The following DENND5B variants were observed in gnomAD, a reference collection of about 807,000 sequenced individuals.
DENND5B encodes the protein DENN domain-containing protein 5B.
A neutral mutation model predicts 140.6 loss-of-function variants in DENND5B; 34 were observed. The ratio of observed to expected loss-of-function variants is 0.24; its 90% CI spans 0.18 to 0.32. The LOEUF (loss-of-function observed/expected upper bound fraction) is 0.32. Ranked by LOEUF, DENND5B falls within the 10% of genes least tolerant of loss-of-function variation. DENND5B has a pLI of 1.00. For missense variants in DENND5B, 1,142 were observed against 1,560.2 expected (o/e 0.73, Z 4.52); for synonymous variants, 551 against 562.1 (o/e 0.98, Z 0.28).
intron 1 of DENND5B, among the ~76,000 whole-genome samples, chr12:31,509,595 AT>A (rs1259098052): frequency 6.6e-6 from 1 of 152,236 alleles, no homozygotes; most frequent in Non-Finnish European, 1.5e-5. Flanking sequence ...AAGTGGCTAA[AT>A]TTTGAGATAG....
chr12:31,491,760 T>C (rs140885947), intron 2 of DENND5B, among the ~76,000 whole-genome samples: 162 of 152,356 alleles, frequency 1.1e-3, no homozygotes, highest in South Asian at 5.2e-3. Context: ...CTGTCACTTG[T>C]ATTTATTTTC....
chr12:31,449,643 AAAGATT>A (rs1383756872), intron 5 of DENND5B, among the ~76,000 whole-genome samples: 2 of 152,138 alleles, frequency 1.3e-5, no homozygotes, highest in Non-Finnish European at 2.9e-5. Context: ...GAGGCTACAT[AAAGATT>A]AAGAAGGAAG....
intron 1 of DENND5B, among the ~76,000 whole-genome samples, chr12:31,501,708 G>A (rs890659916): frequency 2.7e-5 from 4 of 150,768 alleles, no homozygotes; most frequent in Non-Finnish European, 4.4e-5. Flanking sequence ...GGGAGGTGGA[G>A]GCTGCAGTGA....
At chr12:31,478,734 T>A (rs1421367095) in intron 3 of DENND5B, among the ~76,000 whole-genome samples, 1 of 152,036 alleles carries the variant, frequency 6.6e-6, no homozygotes, top group East Asian at 1.9e-4. Flanking sequence ...TTGTGTAACC[T>A]TTTTTGAAGA....
intron 1 of DENND5B, among the ~76,000 whole-genome samples, chr12:31,508,402 A>C (rs1410745178): frequency 1.1e-4 from 17 of 152,240 alleles, no homozygotes; most frequent in Admixed American, 3.3e-4. Context: ...TAAAAGAAAG[A>C]TATAAATTAC....
At chr12:31,532,696 G>A (rs913395623) in intron 1 of DENND5B, among the ~76,000 whole-genome samples, 3 of 152,104 alleles carry the variant, frequency 2.0e-5, no homozygotes, top group Admixed American at 1.3e-4. Flanking sequence ...TAGATATGGG[G>A]GAATTGGGAA....
At chr12:31,576,857 C>T (rs530142438) in intron 1 of DENND5B, among the ~76,000 whole-genome samples, 11 of 151,514 alleles carry the variant, frequency 7.3e-5, no homozygotes, top group African/African-American at 2.7e-4. Context: ...TATGATCACA[C>T]CACTGCACTC....
At chr12:31,564,001 C>T (rs1248419455) in intron 1 of DENND5B, among the ~76,000 whole-genome samples, 2 of 152,092 alleles carry the variant, frequency 1.3e-5, no homozygotes, top group African/African-American at 4.8e-5. Flanking sequence ...CCTGTAATCC[C>T]AGCTACTAGG....
At chr12:31,401,907 G>A (rs117274977) in intron 15 of DENND5B, among the ~76,000 whole-genome samples, 3,107 of 152,186 alleles carry the variant, frequency 0.02, 55 homozygotes, top group South Asian at 0.054. Context: ...TTATAGGCAT[G>A]AGTCACTGCG....
chr12:31,402,220 GAATCT>G (rs1466613199), intron 15 of DENND5B, among the ~76,000 whole-genome samples: 3 of 151,278 alleles, frequency 2.0e-5, no homozygotes, highest in African/African-American at 7.3e-5. Flanking sequence ...CTGCTTGCTA[GAATCT>G]GTGCTAGACC....
chr12:31,403,897 CAAAAAAAAA>C (rs751708684), intron 14 of DENND5B, among the ~76,000 whole-genome samples: 1 of 36,372 alleles, frequency 2.7e-5, no homozygotes, highest in Non-Finnish European at 4.7e-5. Flanking sequence ...ACTCCATCTC[CAAAAAAAAA>C]AAAAAAAAAA....
chr12:31,414,475 C>T (rs118100845), intron 12 of DENND5B, among the ~76,000 whole-genome samples: 2 of 152,168 alleles, frequency 1.3e-5, no homozygotes, highest in Non-Finnish European at 2.9e-5. Flanking sequence ...GTACCTTCTT[C>T]GGTGGGCAGA....
intron 1 of DENND5B, among the ~76,000 whole-genome samples, chr12:31,523,049 CT>C (rs565569231): frequency 1.7e-4 from 25 of 146,110 alleles, no homozygotes; most frequent in East Asian, 1.0e-3. Context: ...ATAAATGTGC[CT>C]TTTTTTTTCC....
chr12:31,426,601 C>T (rs2137748336), intron 8 of DENND5B, 177 bp from the exon 9 acceptor site: 1 of 606,228 alleles, frequency 1.6e-6, no homozygotes, highest in Middle Eastern at 4.8e-4. Context: ...CATATGCCAC[C>T]CCATAACAAC....
intron 6 of DENND5B, among the ~76,000 whole-genome samples, chr12:31,447,282 A>G (rs550197691): frequency 1.3e-5 from 2 of 152,254 alleles, no homozygotes; most frequent in Admixed American, 1.3e-4. Context: ...AAACAAAAAC[A>G]AAAACAAAAA....
In DENND5B at chr12:31,452,358, C is replaced by G. The variant is rs1217687306; in HGVS notation, c.1211G>C (p.Gly404Ala). ...ATGTAGGCTGCCCTCAGGAGGGATCCCAAATTGAACAAGAACCTCAGAGAG... is the reference window on the plus strand; with the variant it reads ...ATGTAGGCTGCCCTCAGGAGGGATCGCAAATTGAACAAGAACCTCAGAGAG... ...QELSEVLVQF[G>A]IPPEGSLHCS... Residue 404 changes from glycine to alanine, a missense_variant, in exon 5 of 21, where the codon GGG (glycine) becomes GCG (alanine). Coordinates refer to ENST00000389082, the MANE Select transcript of DENND5B (RefSeq NM_144973.4). 12 of 1,613,756 alleles carry G rather than the reference C, an allele frequency of 7.4e-6. No individual in the cohort carries two copies. The highest frequency in any genetic ancestry group is 1.0e-5 in the Non-Finnish European group (12 of 1,179,900).
At chr12:31,426,118 G>T (rs530607817) in intron 9 of DENND5B, among the ~76,000 whole-genome samples, 175 bp downstream of exon 9, 24 of 152,328 alleles carry the variant, frequency 1.6e-4, no homozygotes, top group Non-Finnish European at 2.6e-4. Flanking sequence ...TGTGGGGAAT[G>T]AAGAACCCAT....
intron 2 of DENND5B, among the ~76,000 whole-genome samples, chr12:31,481,584 A>G (rs1168597481): frequency 6.6e-6 from 1 of 152,258 alleles, no homozygotes. Flanking sequence ...CTTAGTGGAT[A>G]AAGAAGATTC....
chr12:31,416,339 C>A (rs765741599), intron 11 of DENND5B, among the ~76,000 whole-genome samples: 2 of 151,952 alleles, frequency 1.3e-5, no homozygotes, highest in African/African-American at 2.4e-5. Flanking sequence ...TCTTGGCTCA[C>A]TGCAACCTCC....
Sources: gnomAD v4.1 joint callset for allele counts (sites outside exome capture counted in the v4.1 genomes callset) on GRCh38, gnomAD v4.1.1 for gene constraint, MANE v1.5 for transcripts, NCBI Gene and HGNC (gene_info 2026-07-23, HGNC 2026-07-21) for gene names.